ADGRL2: variants seen among roughly 807,000 people sequenced by gnomAD.
ADGRL2 encodes adhesion G protein-coupled receptor L2, also known as calcium-independent alpha-latrotoxin receptor 2.
In ADGRL2, 44 loss-of-function variants were observed where a neutral mutation model predicts 157.4. The observed-to-expected ratio is 0.28, with a 90% confidence interval of 0.22 to 0.36. ADGRL2 has a LOEUF of 0.36. Among genes scored for constraint, ADGRL2 ranks in the 10% least tolerant of loss-of-function variants. The pLI, the probability that ADGRL2 is intolerant of heterozygous loss-of-function variation, is 1.00. For missense variants in ADGRL2, 1,510 were observed against 1,768.9 expected (o/e 0.85, Z 2.63); for synonymous variants, 585 against 624.7 (o/e 0.94, Z 0.95).
At chr1:81,337,506 G>A (rs945219680) in intron 1 of ADGRL2, among the ~76,000 whole-genome samples, 3 of 152,164 alleles carry the variant, frequency 2.0e-5, no homozygotes, top group East Asian at 1.9e-4. Flanking sequence ...CATGAAGACC[G>A]TGAAAGCATC....
At chr1:81,524,060 T>C (rs1199706393) in intron 2 of ADGRL2, among the ~76,000 whole-genome samples, 2 of 143,572 alleles carry the variant, frequency 1.4e-5, no homozygotes, top group Non-Finnish European at 3.0e-5. Context: ...CAAGATTTCA[T>C]CTCAAAAATA....
chr1:81,790,272 C>T (rs1459779122), intron 2 of ADGRL2, among the ~76,000 whole-genome samples: 1 of 151,742 alleles, frequency 6.6e-6, no homozygotes, highest in East Asian at 1.9e-4. Flanking sequence ...CACACACACA[C>T]ATGAACACAC....
intron 1 of ADGRL2, among the ~76,000 whole-genome samples, chr1:81,312,318 A>G (rs1439816181): frequency 2.0e-5 from 3 of 152,242 alleles, no homozygotes; most frequent in Admixed American, 6.5e-5. Flanking sequence ...AGAGCCTGTC[A>G]GAGAAGTGGG....
At chr1:81,324,179 G>T (rs1229820695) in intron 1 of ADGRL2, among the ~76,000 whole-genome samples, 2 of 152,126 alleles carry the variant, frequency 1.3e-5, no homozygotes, top group East Asian at 3.9e-4. Context: ...AAGCGGAGGA[G>T]ATGGAGACTG....
chr1:81,807,025 G>T (rs1254365076), intron 1 of ADGRL2, among the ~76,000 whole-genome samples: 1 of 151,992 alleles, frequency 6.6e-6, no homozygotes, highest in African/African-American at 2.4e-5. Context: ...TATTTTTAAG[G>T]TAATATATTT....
chr1:81,946,788 C>T (rs577117368), intron 6 of ADGRL2, among the ~76,000 whole-genome samples: 125 of 152,146 alleles, frequency 8.2e-4, no homozygotes, highest in Non-Finnish European at 1.5e-3. Flanking sequence ...TGAACAGGGG[C>T]AAGTTGAATA....
intron 1 of ADGRL2, among the ~76,000 whole-genome samples, chr1:81,725,869 G>A (rs574436495): frequency 9.9e-5 from 15 of 152,212 alleles, no homozygotes; most frequent in African/African-American, 2.6e-4. Flanking sequence ...GGTAGTCCCC[G>A]CTAGTTGCGG....
intron 2 of ADGRL2, among the ~76,000 whole-genome samples, chr1:81,773,385 C>A (rs138771342): frequency 1.3e-5 from 2 of 152,262 alleles, no homozygotes; most frequent in African/African-American, 4.8e-5. Context: ...TTAATAATAC[C>A]TTTAATACCT....
At chr1:81,469,333 C>T (rs1023750585) in intron 2 of ADGRL2, among the ~76,000 whole-genome samples, 4 of 152,124 alleles carry the variant, frequency 2.6e-5, no homozygotes, top group Non-Finnish European at 2.9e-5. Flanking sequence ...CTCCATCTTG[C>T]GGTTGATTTC....
intron 6 of ADGRL2, among the ~76,000 whole-genome samples, chr1:81,944,040 A>G (rs1057338950): frequency 1.5e-4 from 23 of 151,900 alleles, no homozygotes; most frequent in African/African-American, 5.6e-4. Flanking sequence ...ACCTGTTAGC[A>G]GTGTTTTTTT....
intron 1 of ADGRL2, among the ~76,000 whole-genome samples, chr1:81,419,589 A>T (rs1035528230): frequency 1.3e-5 from 2 of 152,212 alleles, no homozygotes; most frequent in African/African-American, 4.8e-5. Context: ...TGACAAATCC[A>T]AAATACCAAG....
intron 1 of ADGRL2, among the ~76,000 whole-genome samples, chr1:81,739,454 C>A (rs1327622333): frequency 6.6e-6 from 1 of 152,100 alleles, no homozygotes; most frequent in African/African-American, 2.4e-5. Flanking sequence ...GAAACAACAC[C>A]ATCAGCTTAC....
At chr1:81,765,046 T>G (rs1459253328) in intron 2 of ADGRL2, among the ~76,000 whole-genome samples, 1 of 152,054 alleles carries the variant, frequency 6.6e-6, no homozygotes, top group Admixed American at 6.6e-5. Flanking sequence ...ATTCCTTCTA[T>G]ATTACTATTT....
intron 2 of ADGRL2, among the ~76,000 whole-genome samples, chr1:81,511,081 A>T (rs1310269161): frequency 6.6e-6 from 1 of 152,166 alleles, no homozygotes; most frequent in East Asian, 1.9e-4. Flanking sequence ...ATTTTTTATT[A>T]AATATAAATT....
At chr1:81,813,748 G>C (rs1417393167) in intron 1 of ADGRL2, among the ~76,000 whole-genome samples, 1 of 151,594 alleles carries the variant, frequency 6.6e-6, no homozygotes, top group African/African-American at 2.4e-5. Context: ...TATCGTAGCT[G>C]GTTTTTAATA....
chr1:81,330,875 C>T (rs2182767), intron 1 of ADGRL2, among the ~76,000 whole-genome samples: 2,655 of 152,036 alleles, frequency 0.017, 61 homozygotes, highest in South Asian at 0.052. Flanking sequence ...CGTTGCTCAA[C>T]GGATGTTTTA....
At chr1:81,625,509 G>A (rs1041710898) in intron 3 of ADGRL2, 3 of 152,100 alleles carry the variant, frequency 2.0e-5, no homozygotes, top group African/African-American at 7.2e-5. Flanking sequence ...CTGTAAAGCT[G>A]TCAGTTTTCT....
At chr1:81,697,891 G>T (rs917393611), upstream of ADGRL2, among the ~76,000 whole-genome samples, 3 of 152,162 alleles carry the variant, frequency 2.0e-5, no homozygotes, top group African/African-American at 7.2e-5. Flanking sequence ...GAAATAGAGT[G>T]CAGAACAAGG....
At chr1:81,653,326 T>TG (rs1163530593) in intron 3 of ADGRL2, among the ~76,000 whole-genome samples, 17 of 151,784 alleles carry the variant, frequency 1.1e-4, no homozygotes, top group African/African-American at 3.9e-4. Context: ...TAGGGTTTTT[T>TG]TTTTTTTCAC....
Sources: allele counts gnomAD v4.1 joint callset (sites outside exome capture counted in the v4.1 genomes callset), GRCh38; gene constraint gnomAD v4.1.1; transcripts MANE v1.5; gene names NCBI Gene and HGNC (gene_info 2026-07-23, HGNC 2026-07-21).